The following DCDC1 variants were observed in gnomAD, a reference collection of about 807,000 sequenced individuals.
DCDC1 encodes doublecortin domain containing 1, also known as doublecortin domain-containing protein 1.
DCDC1 carries 200 observed loss-of-function variants against 178.3 expected under a neutral mutation model. The ratio of observed to expected loss-of-function variants is 1.12; its 90% CI spans 1.00 to 1.26. The LOEUF is 1.26. Ranked by LOEUF, DCDC1 falls within the 50% of genes most tolerant of loss-of-function variation. The pLI, the probability that DCDC1 is intolerant of heterozygous loss-of-function variation, is 0.00. For synonymous variants in DCDC1, 690 were observed against 604.8 expected (o/e 1.14, Z -2.07); for missense variants, 1,983 against 1,749.2 (o/e 1.13, Z -2.38).
At chr11:30,887,987 G>A (rs1451757936) in intron 36 of DCDC1, among the ~76,000 whole-genome samples, 5 of 123,330 alleles carry the variant, frequency 4.1e-5, no homozygotes, top group Non-Finnish European at 6.8e-5. Flanking sequence ...TGGGCAACAA[G>A]AGCAAAATTC....
rs145018057 is a variant in DCDC1, at chr11:31,247,840, G to A, written c.1055-6224C>T. 1.1e-4 allele frequency among the ~76,000 whole-genome samples: 17 copies of A among 152,178 alleles called. No individual in the cohort carries two copies. The East Asian group carries it at 3.3e-3, about 29-fold the overall frequency. On this transcript the variant is annotated intron_variant, in intron 8 of 38. Transcript: ENST00000684477. ...CTTCAACAAAAATAATAGTGTGTGT[G>A]TGTCTTTGAAAATACAAGGATTTTG...
At chr11:30,992,066 C>T (rs953993427) in intron 20 of DCDC1, among the ~76,000 whole-genome samples, 1 of 152,004 alleles carries the variant, frequency 6.6e-6, no homozygotes, top group African/African-American at 2.4e-5. Flanking sequence ...AAATGTTACA[C>T]AAATAAAGTA....
intron 9 of DCDC1, among the ~76,000 whole-genome samples, chr11:31,157,847 T>C (rs1965884346): frequency 6.6e-6 from 1 of 152,190 alleles, no homozygotes; most frequent in South Asian, 2.1e-4. Flanking sequence ...GTTTATATTA[T>C]GGTATTTTAC....
At chr11:31,289,334 A>T (rs532637269) in intron 7 of DCDC1, among the ~76,000 whole-genome samples, 194 of 152,136 alleles carry the variant, frequency 1.3e-3, no homozygotes, top group African/African-American at 4.2e-3. Context: ...ATTTTTCAAA[A>T]TGGCCAGGGA....
At chr11:30,982,587 T>C (rs567054557) in intron 20 of DCDC1, among the ~76,000 whole-genome samples, 5 of 152,174 alleles carry the variant, frequency 3.3e-5, no homozygotes, top group African/African-American at 9.7e-5. Flanking sequence ...TCCAAATAAA[T>C]TGCAGATTTT....
intron 1 of DCDC1, among the ~76,000 whole-genome samples, chr11:31,346,388 C>T (rs1394062154): frequency 2.0e-5 from 3 of 146,926 alleles, no homozygotes; most frequent in East Asian, 2.2e-4. Context: ...TGCTTGAACC[C>T]GGGAGGCGGA....
chr11:31,119,041 G>A (rs974202242), intron 11 of DCDC1, among the ~76,000 whole-genome samples: 2 of 152,090 alleles, frequency 1.3e-5, no homozygotes, highest in African/African-American at 4.8e-5. Flanking sequence ...AGGAGGAGTG[G>A]GGCAATGAGG....
At chr11:31,077,424 A>G (rs1412076867) in intron 18 of DCDC1, among the ~76,000 whole-genome samples, 1 of 152,202 alleles carries the variant, frequency 6.6e-6, no homozygotes, top group Non-Finnish European at 1.5e-5. Context: ...TGAAGCTACT[A>G]GAATTAGTAT....
intron 20 of DCDC1, among the ~76,000 whole-genome samples, chr11:30,963,827 T>C (rs1949262572): frequency 6.6e-6 from 1 of 152,156 alleles, no homozygotes; most frequent in African/African-American, 2.4e-5. Context: ...GTTTTTTCAT[T>C]GGCCCCAGTC....
At chr11:30,908,804 G>T in intron 29 of DCDC1, 142 bp downstream of exon 29, 1 of 576,820 alleles carries the variant, frequency 1.7e-6, no homozygotes, top group Non-Finnish European at 2.7e-6. Context: ...ACCAGAATCA[G>T]AGTCTAAGTG....
intron 18 of DCDC1, among the ~76,000 whole-genome samples, chr11:31,070,856 G>T (rs1328324126): frequency 6.6e-6 from 1 of 152,082 alleles, no homozygotes; most frequent in Non-Finnish European, 1.5e-5. Flanking sequence ...CCACAGGAGT[G>T]CTTATGTCCT....
intron 9 of DCDC1, among the ~76,000 whole-genome samples, chr11:31,185,428 T>C (rs996051892): frequency 6.6e-6 from 1 of 151,160 alleles, no homozygotes; most frequent in African/African-American, 2.4e-5. Context: ...AATAAATAAA[T>C]AAAATAAAAA....
chr11:31,272,715 A>T (rs966024465), intron 7 of DCDC1, among the ~76,000 whole-genome samples: 1 of 152,214 alleles, frequency 6.6e-6, no homozygotes, highest in Non-Finnish European at 1.5e-5. Context: ...TGACGCAAGA[A>T]GGGGGTTCCC....
At chr11:31,091,366 T>A in intron 17 of DCDC1, 27 bp downstream of exon 17, 1 of 706,348 alleles carries the variant, frequency 1.4e-6, no homozygotes, top group African/African-American at 1.7e-5. Flanking sequence ...ATTTATTATC[T>A]TGAGCTAAAT....
chr11:31,053,359 G>C (rs1443482206), intron 20 of DCDC1, among the ~76,000 whole-genome samples: 1 of 152,002 alleles, frequency 6.6e-6, no homozygotes, highest in Non-Finnish European at 1.5e-5. Context: ...AACAAAAAAA[G>C]TCCAGCACCA....
chr11:31,287,248 A>AG (rs1365732950), intron 7 of DCDC1, among the ~76,000 whole-genome samples: 1 of 151,946 alleles, frequency 6.6e-6, no homozygotes, highest in Non-Finnish European at 1.5e-5. Flanking sequence ...AACAAAAAAA[A>AG]ACAAGTACTC....
chr11:31,198,987 C>T (rs1970999471), intron 9 of DCDC1, among the ~76,000 whole-genome samples: 1 of 151,788 alleles, frequency 6.6e-6, no homozygotes, highest in Admixed American at 6.6e-5. Flanking sequence ...TTATTGACAA[C>T]ATGTAGTTGT....
At chr11:31,092,774 C>T (rs1404011068) in intron 16 of DCDC1, among the ~76,000 whole-genome samples, 3 of 152,118 alleles carry the variant, frequency 2.0e-5, no homozygotes. Context: ...TTTGATAGAA[C>T]ACCAAGGCCT....
At chr11:30,961,665 A>T (rs1351536198) in intron 20 of DCDC1, among the ~76,000 whole-genome samples, 1 of 152,070 alleles carries the variant, frequency 6.6e-6, no homozygotes, top group Non-Finnish European at 1.5e-5. Flanking sequence ...GATATTATTC[A>T]TACGGGTACA....
Sources: allele counts gnomAD v4.1 joint callset (sites outside exome capture counted in the v4.1 genomes callset), GRCh38; gene constraint gnomAD v4.1.1; transcripts MANE v1.5; gene names NCBI Gene and HGNC (gene_info 2026-07-23, HGNC 2026-07-21).